Variants in NSG2 observed in about 807,000 individuals in gnomAD.
NSG2 encodes neuronal vesicle trafficking-associated protein 2.
NSG2 carries 4 observed loss-of-function variants against 16.9 expected under a neutral mutation model. That is an observed-to-expected ratio of 0.24 (90% CI 0.12 to 0.54). The LOEUF (loss-of-function observed/expected upper bound fraction) is 0.54, where lower values mean the gene tolerates loss of function less well. NSG2 is among the 20% of genes least tolerant of loss of function. NSG2 has a pLI of 0.95. For missense variants in NSG2, 179 were observed against 221.1 expected (o/e 0.81, Z 1.21); for synonymous variants, 98 against 88.7 (o/e 1.11, Z -0.59).
chr5:174,063,852 A>G (rs1760096830), intron 2 of NSG2, among the ~76,000 whole-genome samples: 1 of 152,212 alleles, frequency 6.6e-6, no homozygotes, highest in African/African-American at 2.4e-5. Context: ...AAAAGGCAAA[A>G]TACAATGATA....
At chr5:174,057,004 A>G (rs1417023989) in intron 2 of NSG2, among the ~76,000 whole-genome samples, 1 of 152,234 alleles carries the variant, frequency 6.6e-6, no homozygotes, top group Non-Finnish European at 1.5e-5. Context: ...ATATTAAATT[A>G]TGTTCTTCAT....
chr5:174,064,303 C>A lies in NSG2; in HGVS notation c.201C>A (p.Ile67=), dbSNP rs770102568. 6.2e-7 allele frequency: 1 copy of A among 1,610,074 alleles called. No individual in the cohort carries two copies. Among genetic ancestry groups the A allele is most frequent in the Admixed American group, 1.7e-5 (1 of 59,922 alleles). Reference sequence around the variant, plus strand: ...AAGGGAAGTTCCGGGTGCCGAAAATCGCTGAATTTACGGTCAGTTTCTTGA... The same window carrying A: ...AAGGGAAGTTCCGGGTGCCGAAAATAGCTGAATTTACGGTCAGTTTCTTGA... ...KNKGKFRVPK[I]AEFTVTILVS... is the part of the protein sequence containing the mutation. The change falls in exon 3 of 5, where the codon ATC becomes ATA. Residue 67 remains isoleucine (I), a synonymous_variant. Transcript: ENST00000303177.
chr5:174,074,164 G>A (rs566734787), intron 3 of NSG2, among the ~76,000 whole-genome samples: 1 of 152,318 alleles, frequency 6.6e-6, no homozygotes, highest in East Asian at 1.9e-4. Context: ...TTGATCCCAT[G>A]GGTTTGTGAA....
At chr5:174,076,525 C>T (rs978758559) in intron 3 of NSG2, among the ~76,000 whole-genome samples, 2 of 152,034 alleles carry the variant, frequency 1.3e-5, no homozygotes, top group Admixed American at 6.6e-5. Flanking sequence ...TCCAACTTTA[C>T]TTTATATTGC....
chr5:174,055,549 G>A (rs1162999687), intron 2 of NSG2, among the ~76,000 whole-genome samples: 1 of 152,056 alleles, frequency 6.6e-6, no homozygotes, highest in African/African-American at 2.4e-5. Flanking sequence ...AGTGAGCCAA[G>A]ATATCACGCC....
intron 3 of NSG2, among the ~76,000 whole-genome samples, chr5:174,082,105 C>T (rs1760486044): frequency 6.6e-6 from 1 of 152,182 alleles, no homozygotes. Context: ...TACCCGACCA[C>T]CTGTCTGAAG....
At chr5:174,092,728 G>T (rs905120501) in intron 3 of NSG2, among the ~76,000 whole-genome samples, 1 of 152,012 alleles carries the variant, frequency 6.6e-6, no homozygotes, top group Non-Finnish European at 1.5e-5. Flanking sequence ...TCGTACATTA[G>T]CGCACTGATT....
intron 2 of NSG2, among the ~76,000 whole-genome samples, chr5:174,062,847 T>C (rs1236227266): frequency 6.6e-6 from 1 of 152,338 alleles, no homozygotes; most frequent in Non-Finnish European, 1.5e-5. Flanking sequence ...ATAGAAGAAT[T>C]CTTGCTCTAG....
At chr5:174,102,449 A>G (rs1460203251) in intron 3 of NSG2, among the ~76,000 whole-genome samples, 2 of 152,196 alleles carry the variant, frequency 1.3e-5, no homozygotes, top group African/African-American at 4.8e-5. Context: ...ACTGACTGAA[A>G]GGGACACCAG....
intron 3 of NSG2, chr5:174,066,347 G>C (rs1171238981): frequency 6.9e-6 from 3 of 432,888 alleles, no homozygotes; most frequent in African/African-American, 6.1e-5. Flanking sequence ...CAGGCCACGG[G>C]GTCAAATTTA....
rs916750597 is a variant in NSG2, at chr5:174,107,844, A to G, written c.*339A>G. The G allele has an allele frequency of 1.7e-5, 8 of 463,196 alleles. No individual in the cohort carries two copies. The highest frequency in any genetic ancestry group is 2.5e-5 in the Non-Finnish European group (6 of 238,616). The allele number at this position is 463,196 out of a possible 1,614,324, so 28.7% of individuals were successfully genotyped here. On this transcript the variant is annotated 3_prime_UTR_variant, in exon 5 of 5. Coordinates refer to ENST00000303177, the MANE Select transcript of NSG2 (RefSeq NM_015980.5). This position sits in a 1 kb window ranked among gnomAD's most constrained non-coding sequence, Gnocchi z 4.5. ...GCAGAAAAGGAAAGAAACAAAGAAC[A>G]TGAACAAAAAGCATTAAACTGGCTC...
Position 174,060,768 on chromosome 5 carries a change from G to C in NSG2, c.130-3464G>C, listed in dbSNP as rs114764019. Among the ~76,000 whole-genome samples the C allele has an allele frequency of 5.8e-3, 884 of 152,316 alleles. 5 individuals carry two copies. Among genetic ancestry groups the C allele is most frequent in the African/African-American group, 0.02 (843 of 41,562 alleles). ...CAGTTCCTTGTGGTTGGAGGACTGA[G>C]GTCCTGGTTTTCTTGTTGGCTCTTG... is the stretch of plus-strand genomic sequence containing the variant. On this transcript the variant is annotated intron_variant, in intron 2 of 4. Transcript: ENST00000303177.
intron 3 of NSG2, among the ~76,000 whole-genome samples, chr5:174,064,762 G>T (rs1369577036): frequency 2.6e-5 from 4 of 152,170 alleles, no homozygotes; most frequent in African/African-American, 9.6e-5. Flanking sequence ...ATTTCTTGGT[G>T]GAGGGGCCGC....
intron 3 of NSG2, among the ~76,000 whole-genome samples, chr5:174,102,651 AT>A (rs953806646): frequency 6.6e-6 from 1 of 151,730 alleles, no homozygotes; most frequent in Non-Finnish European, 1.5e-5. Flanking sequence ...GTGTTGTATT[AT>A]TTTTTTTAAA....
intron 2 of NSG2, among the ~76,000 whole-genome samples, chr5:174,057,208 A>G (rs1484134081): frequency 6.6e-6 from 1 of 152,096 alleles, no homozygotes; most frequent in East Asian, 1.9e-4. Context: ...TTCTTCTCTC[A>G]TTTCTGCTGA....
At chr5:174,064,204 A>G (rs779072201) in intron 2 of NSG2, 28 bp from the exon 3 acceptor site, 2 of 1,510,352 alleles carry the variant, frequency 1.3e-6, no homozygotes, top group African/African-American at 2.7e-5. Flanking sequence ...GTCTCCATGC[A>G]TGCTAACACA....
At chr5:174,061,637 C>T (rs1475254711) in intron 2 of NSG2, among the ~76,000 whole-genome samples, 1 of 152,174 alleles carries the variant, frequency 6.6e-6, no homozygotes, top group Admixed American at 6.5e-5. Flanking sequence ...CAGAGTGTTG[C>T]TCTGTCGCCA....
At position 174,078,388 on chromosome 5, in the gene NSG2, TTAA is replaced by T. The variant is rs145288633; in HGVS notation, c.213+14079_213+14081del. Among the ~76,000 whole-genome samples the T allele has an allele frequency of 4.5e-4, 68 of 152,330 alleles. No homozygotes were observed. The East Asian group carries it at 0.01, about 23-fold the overall frequency. The stretch of plus-strand genomic sequence containing the variant: ...TTCTCTTGTACCTTGCTTCTTTCTC[TTAA>T]TAATATATCTCAGAGATCTTTCCAC... On this transcript the variant is annotated intron_variant, in intron 3 of 4. Transcript: ENST00000303177.
intron 2 of NSG2, chr5:174,056,293 T>G (rs921675064): frequency 6.6e-6 from 1 of 152,224 alleles, no homozygotes; most frequent in Non-Finnish European, 1.5e-5. Flanking sequence ...CTTTACCTCA[T>G]AGAATGATTG....
Sources: gnomAD v4.1 joint callset for allele counts (sites outside exome capture counted in the v4.1 genomes callset) on GRCh38, gnomAD v4.1.1 for gene constraint, Gnocchi (gnomAD v3.1) non-coding constraint, MANE v1.5 for transcripts, NCBI Gene and HGNC (gene_info 2026-07-23, HGNC 2026-07-21) for gene names.